Variants in NYAP2 observed in about 807,000 individuals in gnomAD.
NYAP2 encodes neuronal tyrosine-phosphorylated phosphoinositide-3-kinase adaptor 2, also known as neuronal tyrosine-phosphorylated phosphoinositide-3-kinase adapter 2.
NYAP2 carries 23 observed loss-of-function variants against 50.4 expected under a neutral mutation model. The observed-to-expected ratio is 0.46, with a 90% CI of 0.33 to 0.65. The LOEUF (loss-of-function observed/expected upper bound fraction) is 0.65. Ranked by LOEUF, NYAP2 falls within the 30% of genes least tolerant of loss-of-function variation. NYAP2 has a pLI of 0.02. For missense variants in NYAP2, 885 were observed against 861.0 expected, an observed-to-expected ratio of 1.03 and a Z score of -0.35; for synonymous variants, 394 against 365.2, an observed-to-expected ratio of 1.08 and a Z score of -0.90.
chr2:225,672,141 C>T, the NYAP2 span, among the ~76,000 whole-genome samples: 1 of 152,092 alleles, frequency 6.6e-6, no homozygotes, highest in African/African-American at 2.4e-5. Flanking sequence ...TCCTTTGAAA[C>T]CAGGTATTGA....
chr2:225,577,398 A>G (rs550099286), intron 4 of NYAP2, among the ~76,000 whole-genome samples: 2 of 152,282 alleles, frequency 1.3e-5, no homozygotes, highest in South Asian at 2.1e-4. Flanking sequence ...TTTAGCATCT[A>G]TGTATGTAAC....
At chr2:225,569,537 A>G (rs1692029827) in intron 4 of NYAP2, among the ~76,000 whole-genome samples, 1 of 152,164 alleles carries the variant, frequency 6.6e-6, no homozygotes, top group East Asian at 1.9e-4. Flanking sequence ...ACAGGAACAC[A>G]AGCATTCCTG....
chr2:225,438,091 G>A (rs937971189), intron 3 of NYAP2, among the ~76,000 whole-genome samples: 3 of 152,078 alleles, frequency 2.0e-5, no homozygotes, highest in African/African-American at 7.2e-5. Flanking sequence ...CCTGTTACAA[G>A]GTTAGATGTT....
chr2:225,423,305 T>G (rs1312672267), intron 3 of NYAP2, among the ~76,000 whole-genome samples: 3 of 152,230 alleles, frequency 2.0e-5, no homozygotes, highest in Non-Finnish European at 2.9e-5. Context: ...TCTATTTCAA[T>G]GTGACTTAGA....
chr2:225,693,337 G>T, the NYAP2 span, among the ~76,000 whole-genome samples: 1 of 151,998 alleles, frequency 6.6e-6, no homozygotes, highest in Non-Finnish European at 1.5e-5. Flanking sequence ...GGTTTCTCAT[G>T]ATTAGAGTGG....
At chr2:225,410,577 T>C (rs916607936) in intron 3 of NYAP2, among the ~76,000 whole-genome samples, 1 of 152,114 alleles carries the variant, frequency 6.6e-6, no homozygotes, top group Non-Finnish European at 1.5e-5. Flanking sequence ...AAATCTGAAG[T>C]TTGTAATCTT....
chr2:225,598,212 T>A (rs931970039), intron 5 of NYAP2, among the ~76,000 whole-genome samples: 6 of 152,144 alleles, frequency 3.9e-5, no homozygotes, highest in African/African-American at 1.4e-4. Context: ...AAGGGCTGAC[T>A]GAGCAGCATG....
At chr2:225,407,721 A>G (rs974817403) in intron 2 of NYAP2, among the ~76,000 whole-genome samples, 1 of 152,010 alleles carries the variant, frequency 6.6e-6, no homozygotes, top group East Asian at 1.9e-4. Context: ...AAGGGAATTG[A>G]TAACTTTTGA....
intron 3 of NYAP2, among the ~76,000 whole-genome samples, chr2:225,457,119 A>G (rs930427080): frequency 6.6e-6 from 1 of 152,210 alleles, no homozygotes; most frequent in Non-Finnish European, 1.5e-5. Context: ...TATCGAGCCC[A>G]TATCATGTGC....
the NYAP2 span, among the ~76,000 whole-genome samples, chr2:225,659,637 C>T: frequency 7.1e-3 from 1,076 of 152,154 alleles, 16 homozygotes; most frequent in African/African-American, 0.025. Flanking sequence ...AGACAAAAAC[C>T]TGAGATAGAT....
At chr2:225,651,459 G>T in exon 7 of NYAP2, 3 of 1,613,944 alleles carry the variant, frequency 1.9e-6, no homozygotes, top group Non-Finnish European at 2.5e-6. Context: ...AAATTAGGCC[G>T]GTCTGCGTCG....
chr2:225,684,396 TTCTC>T, the NYAP2 span, among the ~76,000 whole-genome samples: 278 of 149,562 alleles, frequency 1.9e-3, 2 homozygotes, highest in African/African-American at 5.5e-3. Context: ...CTATGTTTCT[TTCTC>T]TCTCTCTTTT....
chr2:225,417,698 G>T (rs574317855), intron 3 of NYAP2, among the ~76,000 whole-genome samples: 15 of 152,254 alleles, frequency 9.9e-5, no homozygotes, highest in Middle Eastern at 3.4e-3. Flanking sequence ...AATAAAAAAT[G>T]AAGTGGTTCA....
chr2:225,548,899 TTG>T (rs1691627459), intron 4 of NYAP2, among the ~76,000 whole-genome samples: 1 of 151,918 alleles, frequency 6.6e-6, no homozygotes, highest in Non-Finnish European at 1.5e-5. Context: ...TTTTTTTTTT[TTG>T]AGGCAGGGTC....
chr2:225,432,921 A>T (rs1689292740), intron 3 of NYAP2, among the ~76,000 whole-genome samples: 1 of 152,182 alleles, frequency 6.6e-6, no homozygotes, highest in Non-Finnish European at 1.5e-5. Flanking sequence ...AGGTTCCTTT[A>T]TTCTGCAGTA....
At chr2:225,693,133 C>T in the NYAP2 span, among the ~76,000 whole-genome samples, 1 of 151,904 alleles carries the variant, frequency 6.6e-6, no homozygotes, top group Non-Finnish European at 1.5e-5. Flanking sequence ...GTTTTTAATC[C>T]AATGTTCTTT....
intron 3 of NYAP2, among the ~76,000 whole-genome samples, chr2:225,491,932 C>G (rs1241231506): frequency 6.6e-6 from 1 of 152,160 alleles, no homozygotes; most frequent in Non-Finnish European, 1.5e-5. Context: ...ACTTAAAAAA[C>G]CTATACCCTA....
chr2:225,596,474 G>A (rs1290557366), intron 5 of NYAP2, among the ~76,000 whole-genome samples: 3 of 152,164 alleles, frequency 2.0e-5, no homozygotes, highest in African/African-American at 7.2e-5. Flanking sequence ...GAACAAATAT[G>A]CATCCGACCT....
At chr2:225,504,177 G>C (rs530382351) in intron 3 of NYAP2, among the ~76,000 whole-genome samples, 1 of 152,278 alleles carries the variant, frequency 6.6e-6, no homozygotes, top group Admixed American at 6.5e-5. Flanking sequence ...ACAGTTCTGG[G>C]AGCTGGAAAA....
Sources: allele counts gnomAD v4.1 joint callset (sites outside exome capture counted in the v4.1 genomes callset), GRCh38; gene constraint gnomAD v4.1.1; transcripts MANE v1.5; gene names NCBI Gene and HGNC (gene_info 2026-07-23, HGNC 2026-07-21).